Variants in CNIH3 observed in about 807,000 individuals in gnomAD.
CNIH3 encodes the protein cornichon family AMPA receptor auxiliary protein 3.
A neutral mutation model predicts 24.1 loss-of-function variants in CNIH3; 14 were observed. The ratio of observed to expected loss-of-function variants is 0.58; its 90% confidence interval spans 0.38 to 0.91. The LOEUF (loss-of-function observed/expected upper bound fraction) is 0.91. CNIH3 is among the 40% of genes least tolerant of loss of function. The probability of loss-of-function intolerance (pLI) is 0.00; values close to 1 mark genes in which losing one functional copy is unlikely to be tolerated. For synonymous variants in CNIH3, 68 were observed against 73.8 expected (o/e 0.92, Z 0.40); for missense variants, 178 against 196.8 (o/e 0.90, Z 0.57).
At chr1:224,629,712 C>T (rs1683725119) in intron 1 of CNIH3, among the ~76,000 whole-genome samples, 1 of 151,960 alleles carries the variant, frequency 6.6e-6, no homozygotes, top group African/African-American at 2.4e-5. Flanking sequence ...TTTGTGGCTC[C>T]TGTGATATTA....
At chr1:224,677,611 G>A (rs999244879) in intron 1 of CNIH3, among the ~76,000 whole-genome samples, 1 of 152,204 alleles carries the variant, frequency 6.6e-6, no homozygotes, top group African/African-American at 2.4e-5. Context: ...CATCCTCTAG[G>A]TGAGGCGCTG....
At chr1:224,600,182 T>C (rs1458878102) in intron 3 of CNIH3, among the ~76,000 whole-genome samples, 1 of 152,010 alleles carries the variant, frequency 6.6e-6, no homozygotes, top group Non-Finnish European at 1.5e-5. Flanking sequence ...TCTGTTTTTC[T>C]CATCTACATT....
At chr1:224,501,041 T>G (rs1001334179) in intron 1 of CNIH3, among the ~76,000 whole-genome samples, 1 of 152,250 alleles carries the variant, frequency 6.6e-6, no homozygotes, top group African/African-American at 2.4e-5. Flanking sequence ...TTCAAAGCCT[T>G]GCTCGTGGGC....
At chr1:224,552,494 C>G (rs189965348) in intron 3 of CNIH3, among the ~76,000 whole-genome samples, 5 of 150,668 alleles carry the variant, frequency 3.3e-5, no homozygotes, top group African/African-American at 1.2e-4. Flanking sequence ...GGGTGTACAC[C>G]CACTGTGATA....
intron 1 of CNIH3, among the ~76,000 whole-genome samples, chr1:224,449,628 G>T (rs922896024): frequency 3.3e-5 from 5 of 152,062 alleles, no homozygotes. Flanking sequence ...CCTGAGCTGG[G>T]ACTACAGGCA....
chr1:224,537,905 G>A (rs1471346102), downstream of CNIH3, among the ~76,000 whole-genome samples: 2 of 152,098 alleles, frequency 1.3e-5, no homozygotes, highest in East Asian at 1.9e-4. Flanking sequence ...AAAGGTAGAG[G>A]ACCCAGGATA....
chr1:224,622,017 C>T (rs1446134054), intron 1 of CNIH3, among the ~76,000 whole-genome samples: 1 of 152,178 alleles, frequency 6.6e-6, no homozygotes, highest in Non-Finnish European at 1.5e-5. Flanking sequence ...CCATGTAAGA[C>T]ATGCCTTTGC....
chr1:224,485,858 A>G, intron 1 of CNIH3, among the ~76,000 whole-genome samples: 1 of 152,142 alleles, frequency 6.6e-6, no homozygotes, highest in East Asian at 1.9e-4. Flanking sequence ...TCCATCCACA[A>G]TCATCAACTT....
intron 3 of CNIH3, among the ~76,000 whole-genome samples, chr1:224,549,006 C>A (rs1679812173): frequency 6.6e-6 from 1 of 151,996 alleles, no homozygotes; most frequent in African/African-American, 2.4e-5. Flanking sequence ...TGTGTGTACA[C>A]CCTGGGACAT....
At chr1:224,680,541 C>G (rs1224765179) in intron 1 of CNIH3, among the ~76,000 whole-genome samples, 2 of 152,216 alleles carry the variant, frequency 1.3e-5, no homozygotes, top group Non-Finnish European at 2.9e-5. Context: ...CACCTGACTT[C>G]TGTCTGTTTC....
chr1:224,530,585 A>G (rs887702417), intron 2 of CNIH3, among the ~76,000 whole-genome samples: 1 of 151,654 alleles, frequency 6.6e-6, no homozygotes, highest in South Asian at 2.1e-4. Flanking sequence ...TTTAAACCCT[A>G]CATTTCTTTT....
At chr1:224,496,938 C>T (rs778749830) in intron 1 of CNIH3, among the ~76,000 whole-genome samples, 8 of 152,110 alleles carry the variant, frequency 5.3e-5, no homozygotes, top group Non-Finnish European at 1.0e-4. Context: ...TTCATAGCAG[C>T]GTTATTCACA....
chr1:224,616,349 A>AGCG lies in CNIH3; in HGVS notation c.-823_-821dup, dbSNP rs1682981910. On this transcript the variant is annotated 5_prime_UTR_variant, in exon 1 of 6. Coordinates refer to ENST00000272133, the MANE Select transcript of CNIH3 (RefSeq NM_152495.2). ...CAAAGGCGGCGGCGGCGGCGGCGGC[A>AGCG]GCGGCAGCAGCAGGTGGAGCGAGCT... 2 of 539,480 alleles carry AGCG rather than the reference A, an allele frequency of 3.7e-6. No individual in the cohort carries two copies. The highest frequency in any genetic ancestry group is 5.0e-6 in the Non-Finnish European group (2 of 401,086). The allele number at this position is 539,480 out of a possible 1,614,324, so 33.4% of individuals were successfully genotyped here.
intron 1 of CNIH3, among the ~76,000 whole-genome samples, chr1:224,625,156 G>C (rs974183194): frequency 6.6e-6 from 1 of 152,184 alleles, no homozygotes; most frequent in African/African-American, 2.4e-5. Flanking sequence ...TAAGGATCTG[G>C]ATAATTTATT....
intron 1 of CNIH3, among the ~76,000 whole-genome samples, chr1:224,452,368 T>C (rs1172174944): frequency 6.6e-6 from 1 of 151,994 alleles, no homozygotes; most frequent in Non-Finnish European, 1.5e-5. Flanking sequence ...CAGGCTGGTC[T>C]CAAACTCCTG....
At chr1:224,523,912 A>T (rs1387188842) in intron 2 of CNIH3, among the ~76,000 whole-genome samples, 1 of 152,130 alleles carries the variant, frequency 6.6e-6, no homozygotes, top group Non-Finnish European at 1.5e-5. Context: ...GAGAAGGAGG[A>T]TGGAGCCCTG....
chr1:224,610,774 A>G (rs901397908), intron 3 of CNIH3, among the ~76,000 whole-genome samples: 1 of 152,232 alleles, frequency 6.6e-6, no homozygotes, highest in African/African-American at 2.4e-5. Flanking sequence ...AGAATAGGTC[A>G]GGAAAACATG....
At chr1:224,660,913 C>G (rs763686811) in intron 1 of CNIH3, among the ~76,000 whole-genome samples, 7 of 152,116 alleles carry the variant, frequency 4.6e-5, no homozygotes, top group Non-Finnish European at 8.8e-5. Context: ...CAAGGCTCAC[C>G]TTGGAGTATG....
At chr1:224,467,333 C>T (rs892867057) in intron 1 of CNIH3, among the ~76,000 whole-genome samples, 3 of 152,236 alleles carry the variant, frequency 2.0e-5, no homozygotes, top group Non-Finnish European at 4.4e-5. Flanking sequence ...CTATGCCTGG[C>T]TCTTTTCATT....
Sources: allele counts gnomAD v4.1 joint callset (sites outside exome capture counted in the v4.1 genomes callset), GRCh38; gene constraint gnomAD v4.1.1; transcripts MANE v1.5; gene names NCBI Gene and HGNC (gene_info 2026-07-23, HGNC 2026-07-21).